WWP2: variants seen among roughly 807,000 people sequenced by gnomAD.
WWP2 encodes the protein NEDD4-like E3 ubiquitin-protein ligase WWP2.
Under a neutral mutation model 121.0 loss-of-function variants are expected in WWP2, and 57 were observed. The observed-to-expected ratio is 0.47, with a 90% CI of 0.38 to 0.59. The LOEUF (loss-of-function observed/expected upper bound fraction) is 0.59, where lower values mean the gene tolerates loss of function less well. WWP2 is among the 20% of genes least tolerant of loss of function. The pLI is 0.00. For synonymous variants in WWP2, 449 were observed against 441.3 expected (o/e 1.02, Z -0.22); for missense variants, 962 against 1,158.9 (o/e 0.83, Z 2.47).
chr16:69,887,369 A>G (rs771486048), intron 7 of WWP2, among the ~76,000 whole-genome samples: 24 of 152,092 alleles, frequency 1.6e-4, no homozygotes, highest in Admixed American at 2.6e-4. Flanking sequence ...ATGTGACCCT[A>G]TAAACTTGGC....
intron 7 of WWP2, among the ~76,000 whole-genome samples, chr16:69,885,830 C>T (rs776218589): frequency 6.6e-6 from 1 of 152,140 alleles, no homozygotes; most frequent in Non-Finnish European, 1.5e-5. Context: ...ATCTAAAGTG[C>T]TTTGCACCTT....
chr16:69,882,827 G>C (rs1268170823), intron 7 of WWP2, among the ~76,000 whole-genome samples: 1 of 152,152 alleles, frequency 6.6e-6, no homozygotes, highest in Non-Finnish European at 1.5e-5. Context: ...TTAAAAGTTA[G>C]AGAACATTGG....
chr16:69,877,924 C>T (rs929599326), intron 7 of WWP2, among the ~76,000 whole-genome samples: 1 of 152,182 alleles, frequency 6.6e-6, no homozygotes, highest in Non-Finnish European at 1.5e-5. Flanking sequence ...TCTCCTGCCT[C>T]AGCCCCCCCA....
chr16:69,870,937 T>C (rs972540176), intron 6 of WWP2, among the ~76,000 whole-genome samples: 1 of 152,192 alleles, frequency 6.6e-6, no homozygotes, highest in Non-Finnish European at 1.5e-5. Flanking sequence ...TTCTTTGTGA[T>C]TTCTGCATTG....
At chr16:69,863,059 T>A (rs981751258) in intron 6 of WWP2, among the ~76,000 whole-genome samples, 2 of 152,144 alleles carry the variant, frequency 1.3e-5, no homozygotes, top group South Asian at 4.1e-4. Context: ...GGGAGAGATA[T>A]GTCCCTAGTC....
chr16:69,821,400 A>C (rs2056590190), intron 4 of WWP2, among the ~76,000 whole-genome samples: 1 of 152,202 alleles, frequency 6.6e-6, no homozygotes, highest in African/African-American at 2.4e-5. Flanking sequence ...ATGTTCCAAC[A>C]ATCCTGCACC....
chr16:69,835,651 C>T (rs766278265), intron 4 of WWP2, among the ~76,000 whole-genome samples: 4 of 151,846 alleles, frequency 2.6e-5, no homozygotes, highest in Non-Finnish European at 5.9e-5. Flanking sequence ...TTTCCTGAGC[C>T]ATTTGAAGGT....
intron 15 of WWP2, 22 bp downstream of exon 15, chr16:69,931,602 C>G (rs781118278): frequency 1.2e-6 from 2 of 1,613,934 alleles, no homozygotes; most frequent in Non-Finnish European, 8.5e-7. Context: ...GTGCCCGAAA[C>G]CAGTGGCAGG....
intron 1 of WWP2, among the ~76,000 whole-genome samples, chr16:69,783,748 C>CTTGAAGAA (rs2055715390): frequency 6.8e-6 from 1 of 146,786 alleles, no homozygotes; most frequent in South Asian, 2.2e-4. Context: ...GAGTTTGAGA[C>CTTGAAGAA]TAGTCTGGGC....
chr16:69,829,095 AC>A lies in WWP2; in HGVS notation c.341-11028del, dbSNP rs201449256. On this transcript the variant is annotated intron_variant, in intron 4 of 23. Transcript: ENST00000359154. ...TAGAATCCCAGGAGCCGTCTTCGAT[AC>A]CCGACCCCTCTTGCCCACCCCGTTT... 6.5e-3 allele frequency among the ~76,000 whole-genome samples: 989 copies of A among 152,184 alleles called. 8 individuals carry two copies. Among genetic ancestry groups the A allele is most frequent in the African/African-American group, 0.022 (925 of 41,518 alleles).
chr16:69,795,823 T>A (rs1349441356), intron 2 of WWP2, among the ~76,000 whole-genome samples: 1 of 151,822 alleles, frequency 6.6e-6, no homozygotes, highest in African/African-American at 2.4e-5. Context: ...AGTTTTTGTA[T>A]TTTTGGTAGA....
At position 69,883,152 on chromosome 16, in the gene WWP2, C is replaced by CA. The variant is rs111625113; in HGVS notation, c.704-4872dup. Among the ~76,000 whole-genome samples, 260 of 120,844 alleles carry CA rather than the reference C, an allele frequency of 2.2e-3. 3 individuals are homozygous for CA. Among genetic ancestry groups the CA allele is most frequent in the East Asian group, 0.021 (86 of 4,188 alleles). 79.3% of individuals were successfully genotyped at this position (120,844 alleles called of 152,430 possible). On this transcript the variant is annotated intron_variant, in intron 7 of 23. Transcript: ENST00000359154. ...TGGGTGGCAGGGTGAGACTCCATCT[C>CA]AAAAAAAAAAAAAAATTAATACAGC...
chr16:69,790,834 C>T (rs887320708), intron 2 of WWP2, among the ~76,000 whole-genome samples: 8 of 152,132 alleles, frequency 5.3e-5, no homozygotes, highest in African/African-American at 1.4e-4. Context: ...CCTCAGCCCC[C>T]CAAAGTGCTG....
intron 1 of WWP2, among the ~76,000 whole-genome samples, chr16:69,771,254 T>A (rs2055408589): frequency 6.6e-6 from 1 of 152,184 alleles, no homozygotes; most frequent in Non-Finnish European, 1.5e-5. Context: ...TAATAATTAT[T>A]ATTTTTCTTT....
chr16:69,789,799 C>T lies in WWP2; in HGVS notation c.70+2719C>T, dbSNP rs918466696. On this transcript the variant is annotated intron_variant, in intron 2 of 23. Coordinates refer to ENST00000359154, the MANE Select transcript of WWP2 (RefSeq NM_001270454.2). The stretch of plus-strand genomic sequence containing the variant: ...TGTGTTCTCAGTGTAGTTTTATTTC[C>T]CACTTCTTTACTTACGCATTTGATC... Among the ~76,000 whole-genome samples the T allele has an allele frequency of 2.0e-5, 3 of 152,110 alleles. No homozygotes were observed. In the South Asian group the frequency reaches 6.2e-4, roughly 32 times the overall value.
chr16:69,770,363 G>C lies in WWP2; in HGVS notation c.-16+7972G>C, dbSNP rs906897159. 3.9e-5 allele frequency among the ~76,000 whole-genome samples: 6 copies of C among 152,244 alleles called. No individual in the cohort carries two copies. In the South Asian group the frequency reaches 6.2e-4, roughly 16 times the overall value. On this transcript the variant is annotated intron_variant, in intron 1 of 23. Coordinates refer to ENST00000359154, the MANE Select transcript of WWP2 (RefSeq NM_001270454.2). ...CAGTGACTTAATTGATCATGCCTGC[G>C]TAATGAAGCTTCCATAAAAACCCTG...
chr16:69,917,673 T>G, intron 9 of WWP2, 36 bp from the exon 10 acceptor site: 1 of 1,588,988 alleles, frequency 6.3e-7, no homozygotes, highest in Non-Finnish European at 8.6e-7. Context: ...GGGAGTGGGG[T>G]GGTCATTATA....
At chr16:69,822,225 G>T (rs1015155921) in intron 4 of WWP2, among the ~76,000 whole-genome samples, 2 of 152,098 alleles carry the variant, frequency 1.3e-5, no homozygotes, top group Non-Finnish European at 2.9e-5. Flanking sequence ...AGGGTTTTGT[G>T]TGAGAGTTTC....
intron 7 of WWP2, among the ~76,000 whole-genome samples, chr16:69,874,334 C>A (rs532863831): frequency 6.6e-5 from 10 of 152,286 alleles, no homozygotes; most frequent in Non-Finnish European, 2.9e-5. Flanking sequence ...ATGAGGACAT[C>A]TTCATCCCTC....
Sources: allele counts gnomAD v4.1 joint callset (sites outside exome capture counted in the v4.1 genomes callset), GRCh38; gene constraint gnomAD v4.1.1; transcripts MANE v1.5; gene names NCBI Gene and HGNC (gene_info 2026-07-23, HGNC 2026-07-21).